ASH1L: variants seen among roughly 807,000 people sequenced by gnomAD.
ASH1L encodes histone-lysine N-methyltransferase ASH1L.
Under a neutral mutation model 269.0 loss-of-function variants are expected in ASH1L, and 23 were observed. The ratio of observed to expected loss-of-function variants is 0.09; its 90% CI spans 0.06 to 0.12. The LOEUF (loss-of-function observed/expected upper bound fraction) is 0.12. ASH1L is among the 10% of genes least tolerant of loss of function. The pLI is 1.00. For synonymous variants in ASH1L, 1,187 were observed against 1,253.5 expected, an observed-to-expected ratio of 0.95 and a Z score of 1.12; for missense variants, 2,912 against 3,567.8, an observed-to-expected ratio of 0.82 and a Z score of 4.68.
chr1:155,423,510 A>C (rs937981738), intron 5 of ASH1L, among the ~76,000 whole-genome samples: 2 of 151,988 alleles, frequency 1.3e-5, no homozygotes, highest in African/African-American at 4.8e-5. Context: ...CAGAGGTTGC[A>C]GTGAGCCAAG....
At chr1:155,454,003 G>A (rs1663690617) in intron 4 of ASH1L, among the ~76,000 whole-genome samples, 1 of 152,156 alleles carries the variant, frequency 6.6e-6, no homozygotes, top group Non-Finnish European at 1.5e-5. Flanking sequence ...TACTCGGGAA[G>A]CTGAGGCAGG....
chr1:155,363,135 C>T (rs1655109985), intron 12 of ASH1L, among the ~76,000 whole-genome samples: 1 of 152,166 alleles, frequency 6.6e-6, no homozygotes, highest in Non-Finnish European at 1.5e-5. Context: ...AGGCACATGC[C>T]ACCACGCCTG....
intron 25 of ASH1L, among the ~76,000 whole-genome samples, chr1:155,341,669 A>G (rs2148317217): frequency 6.6e-6 from 1 of 152,330 alleles, no homozygotes; most frequent in South Asian, 2.1e-4. Flanking sequence ...AAAAATCTAC[A>G]GAATGGGGCT....
intron 2 of ASH1L, among the ~76,000 whole-genome samples, chr1:155,495,362 T>C (rs1667075461): frequency 6.6e-6 from 1 of 152,126 alleles, no homozygotes; most frequent in Admixed American, 6.5e-5. Flanking sequence ...CTAAGCTGTA[T>C]AGAATAACCT....
At position 155,546,945 on chromosome 1, in the gene ASH1L, C is replaced by CTT. The variant is rs71080709; in HGVS notation, c.-100+15206_-100+15207dup. On this transcript the variant is annotated intron_variant, in intron 1 of 27. Transcript: ENST00000392403. ...AAGACTACAAAGGTTTCATCACATT[C>CTT]TTTTTTTTTTTTTTTTTTTTTTTTT... Among the ~76,000 whole-genome samples, 186 of 88,212 alleles carry CTT rather than the reference C, an allele frequency of 2.1e-3. 15 individuals are homozygous for CTT. Among genetic ancestry groups the CTT allele is most frequent in the Non-Finnish European group, 2.8e-3 (121 of 43,214 alleles). The allele number at this position is 88,212 out of a possible 152,430, so 57.9% of individuals were successfully genotyped here.
intron 5 of ASH1L, among the ~76,000 whole-genome samples, chr1:155,429,234 G>A (rs1661423746): frequency 6.6e-6 from 1 of 152,110 alleles, no homozygotes; most frequent in African/African-American, 2.4e-5. Context: ...AAAAAAAGGT[G>A]AGACACAATA....
rs931737908 is a variant in ASH1L, at chr1:155,532,937, ATG to A, written c.-99-11321_-99-11320del. 1.9e-3 allele frequency among the ~76,000 whole-genome samples: 263 copies of A among 136,838 alleles called. 2 individuals carry two copies. The highest frequency in any genetic ancestry group is 0.015 in the South Asian group (64 of 4,280). The allele number at this position is 136,838 out of a possible 152,430, so 89.8% of individuals were successfully genotyped here. A position where few individuals can be genotyped will look rare whatever the true frequency, so the allele number is the denominator to read the frequency against. On this transcript the variant is annotated intron_variant, in intron 1 of 27. Transcript: ENST00000392403. The stretch of plus-strand genomic sequence containing the variant: ...TATGTGTATATATGTGTGCATATAT[ATG>A]TGTGTGTGTGTATATATATATGGGG...
intron 6 of ASH1L, among the ~76,000 whole-genome samples, chr1:155,407,335 T>G (rs1659381772): frequency 1.3e-5 from 2 of 152,212 alleles, no homozygotes. Context: ...TTTCTAGGAC[T>G]ACAAAAGGAT....
At chr1:155,409,249 C>T (rs965827738) in intron 6 of ASH1L, among the ~76,000 whole-genome samples, 1 of 152,152 alleles carries the variant, frequency 6.6e-6, no homozygotes, top group African/African-American at 2.4e-5. Flanking sequence ...TGTTCTTGAA[C>T]TCCTGACCTC....
intron 6 of ASH1L, among the ~76,000 whole-genome samples, chr1:155,397,697 C>A (rs528319318): frequency 6.6e-6 from 1 of 151,970 alleles, no homozygotes; most frequent in Admixed American, 6.6e-5. Flanking sequence ...ATTACAGATG[C>A]CAACTACTGG....
At position 155,343,066 on chromosome 1, in the gene ASH1L, C is replaced by T; in HGVS notation, c.8293+248G>A. 2 of 382,480 alleles carry T rather than the reference C, an allele frequency of 5.2e-6. No homozygotes were observed. Among genetic ancestry groups the T allele is most frequent in the Non-Finnish European group, 9.4e-6 (2 of 212,760 alleles). The allele number at this position is 382,480 out of a possible 1,614,324, so 23.7% of individuals were successfully genotyped here. ...TCATTCTGTTGCACAGGTTGGAGTGCAGTGGTGCGATCTTGGCTCACTGCA... is the reference window on the plus strand; with the variant it reads ...TCATTCTGTTGCACAGGTTGGAGTGTAGTGGTGCGATCTTGGCTCACTGCA... On this transcript the variant is annotated intron_variant, in intron 24 of 27. Transcript: ENST00000392403. This position sits in a 1 kb window ranked among gnomAD's most constrained non-coding sequence, Gnocchi z 6.1.
intron 1 of ASH1L, among the ~76,000 whole-genome samples, chr1:155,523,139 T>C (rs1409695991): frequency 6.6e-6 from 1 of 152,120 alleles, no homozygotes; most frequent in Non-Finnish European, 1.5e-5. Context: ...CCTTAGAAAG[T>C]TCCATTTATG....
intron 1 of ASH1L, among the ~76,000 whole-genome samples, chr1:155,546,097 G>A (rs560658864): frequency 6.7e-6 from 1 of 149,782 alleles, no homozygotes; most frequent in African/African-American, 2.5e-5. Flanking sequence ...GATGGAGGCT[G>A]CAGTGAGCTG....
At chr1:155,404,585 G>A (rs545131840) in intron 6 of ASH1L, among the ~76,000 whole-genome samples, 38 of 152,114 alleles carry the variant, frequency 2.5e-4, no homozygotes, top group African/African-American at 8.9e-4. Context: ...CACACATGAC[G>A]GAATCCACTA....
intron 25 of ASH1L, among the ~76,000 whole-genome samples, chr1:155,340,104 G>A (rs933677823): frequency 1.3e-5 from 2 of 151,498 alleles, no homozygotes; most frequent in African/African-American, 4.9e-5. Context: ...GGTGGGCAGA[G>A]AATACAAAAG....
At position 155,433,213 on chromosome 1, in the gene ASH1L, C is replaced by G. The variant is rs764532274; in HGVS notation, c.5828+5114G>C. On this transcript the variant is annotated intron_variant, in intron 5 of 27. Coordinates refer to ENST00000392403, the MANE Select transcript of ASH1L (RefSeq NM_018489.3). ...ACACCTGGCTTCGGATGCCTGCCTT[C>G]TTGCCCCCTCCAGGCGGTGGAGGTG... 1.9e-6 allele frequency: 3 copies of G among 1,548,718 alleles called. No individual in the cohort carries two copies. The African/African-American group carries it at 4.1e-5, about 21-fold the overall frequency.
Position 155,438,789 on chromosome 1 carries a change from C to A in ASH1L, c.5366G>T (p.Ser1789Ile). Residue 1789 changes from serine (S) to isoleucine (I), a missense_variant, in exon 5 of 28, where the codon AGC becomes ATC. By Grantham distance (142) the Ser-to-Ile change is moderately radical. Coordinates refer to ENST00000392403, the MANE Select transcript of ASH1L (RefSeq NM_018489.3). ...ISLLSEKLTSSCSPHHIKRSV... is the reference protein window; with the variant it reads ...ISLLSEKLTSICSPHHIKRSV... ...TCTCTTGATATGATGGGGGGAACAG[C>A]TGCTTGTCAACTTTTCAGATAGGAG... 1 of 1,614,220 alleles carries A rather than the reference C, an allele frequency of 6.2e-7. No homozygotes were observed. The highest frequency in any genetic ancestry group is 1.3e-5 in the African/African-American group (1 of 75,054).
At chr1:155,557,003 C>A (rs186461207) in intron 1 of ASH1L, among the ~76,000 whole-genome samples, 24 of 152,200 alleles carry the variant, frequency 1.6e-4, no homozygotes, top group African/African-American at 4.3e-4. Flanking sequence ...ACCACGGCAC[C>A]CTAGCCTGGG....
At chr1:155,339,224 C>T in intron 26 of ASH1L, 104 bp downstream of exon 26, 4 of 1,031,794 alleles carry the variant, frequency 3.9e-6, no homozygotes, top group Non-Finnish European at 6.0e-6. Flanking sequence ...GCAGAGAATA[C>T]CCAGTCCTAG....
Sources: allele counts gnomAD v4.1 joint callset (sites outside exome capture counted in the v4.1 genomes callset), GRCh38; gene constraint gnomAD v4.1.1; non-coding constraint Gnocchi (gnomAD v3.1); transcripts MANE v1.5; gene names NCBI Gene and HGNC (gene_info 2026-07-23, HGNC 2026-07-21).